The following GPC6 variants were observed in gnomAD, a reference collection of about 807,000 sequenced individuals.
The protein encoded by GPC6 is glypican 6, also known as glypican-6.
In GPC6, 14 loss-of-function variants were observed where a neutral mutation model predicts 55.2. That is an observed-to-expected ratio of 0.25 (90% CI 0.17 to 0.40). GPC6 has a LOEUF of 0.40. Ranked by LOEUF, GPC6 falls within the 10% of genes least tolerant of loss-of-function variation. GPC6 has a pLI of 1.00. For missense variants in GPC6, 641 were observed against 708.5 expected, an observed-to-expected ratio of 0.90 and a Z score of 1.08; for synonymous variants, 278 against 259.6, an observed-to-expected ratio of 1.07 and a Z score of -0.68.
At chr13:93,571,255 G>T (rs1410839114) in intron 2 of GPC6, among the ~76,000 whole-genome samples, 1 of 152,026 alleles carries the variant, frequency 6.6e-6, no homozygotes, top group South Asian at 2.1e-4. Context: ...ACATGTACAC[G>T]TGTGCACATA....
At chr13:93,647,973 G>GT (rs938801863) in intron 2 of GPC6, among the ~76,000 whole-genome samples, 1 of 152,094 alleles carries the variant, frequency 6.6e-6, no homozygotes, top group Non-Finnish European at 1.5e-5. Context: ...ACACGGGAGT[G>GT]TTTGCCTTGG....
At chr13:93,530,384 T>C (rs1212861470) in intron 1 of GPC6, among the ~76,000 whole-genome samples, 2 of 152,324 alleles carry the variant, frequency 1.3e-5, no homozygotes, top group East Asian at 3.9e-4. Context: ...GGTAATTCAT[T>C]ACTGTACTTT....
intron 1 of GPC6, among the ~76,000 whole-genome samples, chr13:93,324,587 C>CATATATATATATATATATATATATAT (rs34871661): frequency 2.0e-4 from 24 of 122,852 alleles, no homozygotes; most frequent in East Asian, 1.4e-3. Flanking sequence ...CACATACATA[C>CATATATATATATATATATATATATAT]ATATATATAT....
intron 3 of GPC6, among the ~76,000 whole-genome samples, chr13:93,939,418 AAAT>A (rs903732111): frequency 2.8e-5 from 3 of 108,772 alleles, no homozygotes; most frequent in Admixed American, 1.1e-4. Context: ...ACTCTGTCTC[AAAT>A]AATAATAATA....
At chr13:93,987,324 G>T (rs1410934926) in intron 3 of GPC6, among the ~76,000 whole-genome samples, 1 of 152,100 alleles carries the variant, frequency 6.6e-6, no homozygotes, top group Non-Finnish European at 1.5e-5. Flanking sequence ...TATTTATTAA[G>T]CATGTATTTG....
rs186248559 is a variant in GPC6, at chr13:93,549,849, G to A, written c.319+4428G>A. Among the ~76,000 whole-genome samples the A allele has an allele frequency of 1.9e-3, 294 of 152,114 alleles. 1 individual carries two copies. The highest frequency in any genetic ancestry group is 3.1e-3 in the Non-Finnish European group (211 of 67,992). ...TTTGACAGGGTAAATGACTTGCCAA[G>A]TTTCCACTAAGAATGATGAATCCAA... On this transcript the variant is annotated intron_variant, in intron 2 of 8. Transcript: ENST00000377047.
At chr13:93,399,859 G>A (rs1356693312) in intron 1 of GPC6, among the ~76,000 whole-genome samples, 1 of 149,678 alleles carries the variant, frequency 6.7e-6, no homozygotes, top group Non-Finnish European at 1.5e-5. Flanking sequence ...TTTTGCAGAG[G>A]ACTGCATGTG....
intron 2 of GPC6, among the ~76,000 whole-genome samples, chr13:93,793,875 T>A (rs959793453): frequency 2.6e-5 from 4 of 152,338 alleles, no homozygotes; most frequent in Admixed American, 2.6e-4. Context: ...TTTCAACATT[T>A]GTCGTTTATT....
At chr13:93,690,962 A>G (rs1882236655) in intron 2 of GPC6, among the ~76,000 whole-genome samples, 1 of 152,032 alleles carries the variant, frequency 6.6e-6, no homozygotes, top group Non-Finnish European at 1.5e-5. Context: ...ACTATGCTGG[A>G]GTGCCTAAAA....
At chr13:94,092,434 T>G (rs979982560) in intron 4 of GPC6, among the ~76,000 whole-genome samples, 1 of 152,114 alleles carries the variant, frequency 6.6e-6, no homozygotes, top group Non-Finnish European at 1.5e-5. Flanking sequence ...TACTCTAAAT[T>G]CATTTATATT....
chr13:93,905,401 A>G (rs765917584), intron 3 of GPC6, among the ~76,000 whole-genome samples: 3 of 152,188 alleles, frequency 2.0e-5, no homozygotes, highest in Non-Finnish European at 2.9e-5. Flanking sequence ...GGTAGCTATT[A>G]TTATATTTGA....
In GPC6 at chr13:93,318,721, G is replaced by A. The variant is rs548905378; in HGVS notation, c.160+91105G>A. ...AAGCAGGAAGCAAAATCATGATTCA[G>A]AACCTGGGAGAGGACAGCAATTGGC... On this transcript the variant is annotated intron_variant, in intron 1 of 8. Coordinates refer to ENST00000377047, the MANE Select transcript of GPC6 (RefSeq NM_005708.5). 9.9e-5 allele frequency among the ~76,000 whole-genome samples: 15 copies of A among 152,234 alleles called. No homozygotes were observed. In the East Asian group the frequency reaches 2.9e-3, roughly 29 times the overall value.
chr13:93,752,074 A>G lies in GPC6; in HGVS notation c.320-78080A>G, dbSNP rs115756066. Among the ~76,000 whole-genome samples the G allele has an allele frequency of 3.1e-3, 478 of 152,270 alleles. 2 individuals are homozygous for G. The highest frequency in any genetic ancestry group is 0.011 in the African/African-American group (455 of 41,548). ...AGTATAATAGTCCAGAAAAAAATCT[A>G]TGAACTCTAATTCTGATTGTAATGT... is the stretch of plus-strand genomic sequence containing the variant. On this transcript the variant is annotated intron_variant, in intron 2 of 8. Coordinates refer to ENST00000377047, the MANE Select transcript of GPC6 (RefSeq NM_005708.5).
rs146999637 is a variant in GPC6, at chr13:93,980,745, TG to T, written c.712-46979del. The stretch of plus-strand genomic sequence containing the variant: ...CCTGTGTCTTTTGTGTGTTTGGATA[TG>T]GGGGTACAAATGTCTGGCCCCTTTG... On this transcript the variant is annotated intron_variant, in intron 3 of 8. Transcript: ENST00000377047. Among the ~76,000 whole-genome samples, 58 of 152,276 alleles carry T rather than the reference TG, an allele frequency of 3.8e-4. No homozygotes were observed. In the East Asian group the frequency reaches 0.011, roughly 29 times the overall value.
chr13:93,562,189 T>A (rs1040873654), intron 2 of GPC6, among the ~76,000 whole-genome samples: 10 of 152,048 alleles, frequency 6.6e-5, no homozygotes, highest in African/African-American at 2.2e-4. Context: ...AGGCCTTATT[T>A]AGTGCCGTTA....
In GPC6 at chr13:93,993,348, C is replaced by T. The variant is rs374078475; in HGVS notation, c.712-34381C>T. 2.8e-4 allele frequency among the ~76,000 whole-genome samples: 42 copies of T among 149,954 alleles called. 1 individual carries two copies. The highest frequency in any genetic ancestry group is 1.6e-3 in the East Asian group (8 of 5,042). On this transcript the variant is annotated intron_variant, in intron 3 of 8. Coordinates refer to ENST00000377047, the MANE Select transcript of GPC6 (RefSeq NM_005708.5). Reference sequence around the variant, plus strand: ...TGCTCTGTCGCCCAGGCTGAGAGCGCGGTGGCACAGTCTCAGCTCACTGCA... The same window carrying T: ...TGCTCTGTCGCCCAGGCTGAGAGCGTGGTGGCACAGTCTCAGCTCACTGCA...
chr13:94,284,983 C>G (rs989504848), intron 4 of GPC6, among the ~76,000 whole-genome samples: 2 of 151,722 alleles, frequency 1.3e-5, no homozygotes, highest in Non-Finnish European at 2.9e-5. Flanking sequence ...TTGGAGTCCT[C>G]AAAGGAGAAT....
intron 3 of GPC6, among the ~76,000 whole-genome samples, chr13:93,967,093 A>G (rs1039372224): frequency 6.6e-6 from 1 of 152,154 alleles, no homozygotes; most frequent in Non-Finnish European, 1.5e-5. Flanking sequence ...AAATACAGAA[A>G]AGGATGATGA....
intron 1 of GPC6, among the ~76,000 whole-genome samples, chr13:93,528,116 G>T (rs1881723851): frequency 6.6e-6 from 1 of 152,028 alleles, no homozygotes; most frequent in Non-Finnish European, 1.5e-5. Flanking sequence ...TTACTGAATT[G>T]GTCTGAACTA....
Sources: allele counts gnomAD v4.1 joint callset (sites outside exome capture counted in the v4.1 genomes callset), GRCh38; gene constraint gnomAD v4.1.1; transcripts MANE v1.5; gene names NCBI Gene and HGNC (gene_info 2026-07-23, HGNC 2026-07-21).